The following ITGB8 variants were observed in gnomAD, a reference collection of about 807,000 sequenced individuals.
The protein encoded by ITGB8 is integrin subunit beta 8.
A neutral mutation model predicts 89.5 loss-of-function variants in ITGB8; 30 were observed. The observed-to-expected ratio is 0.34, with a 90% CI of 0.25 to 0.45. The LOEUF (loss-of-function observed/expected upper bound fraction) is 0.45. Among genes scored for constraint, ITGB8 ranks in the 20% least tolerant of loss-of-function variants. ITGB8 has a pLI of 1.00. For missense variants in ITGB8, 836 were observed against 933.3 expected, an observed-to-expected ratio of 0.90 and a Z score of 1.36; for synonymous variants, 335 against 320.4, an observed-to-expected ratio of 1.05 and a Z score of -0.49.
intron 6 of ITGB8, among the ~76,000 whole-genome samples, chr7:20,382,818 A>C (rs893444712): frequency 2.0e-5 from 3 of 152,226 alleles, no homozygotes; most frequent in African/African-American, 4.8e-5. Flanking sequence ...AAATTTTCAA[A>C]TCCTGAAATC....
intron 3 of ITGB8, among the ~76,000 whole-genome samples, chr7:20,377,880 A>G (rs1786217845): frequency 6.6e-6 from 1 of 152,232 alleles, no homozygotes; most frequent in African/African-American, 2.4e-5. Flanking sequence ...TTTGTGAAAT[A>G]ATCGAAAAGA....
rs563192684 is a variant in ITGB8, at chr7:20,402,203, CAT to C, written c.1687+78_1687+79del. On this transcript the variant is annotated intron_variant, in intron 10 of 13. Coordinates refer to ENST00000222573, the MANE Select transcript of ITGB8 (RefSeq NM_002214.3). The stretch of plus-strand genomic sequence containing the variant: ...TAGATGTTAAAGTGTCTTTAAATCA[CAT>C]GTTTATAAATTAGCAAAACTGAATC... 2.6e-5 allele frequency: 33 copies of C among 1,270,334 alleles called. 1 individual carries two copies. Among genetic ancestry groups the C allele is most frequent in the South Asian group, 2.3e-4 (13 of 56,306 alleles). The allele number at this position is 1,270,334 out of a possible 1,614,324, so 78.7% of individuals were successfully genotyped here.
intron 2 of ITGB8, chr7:20,364,626 A>G (rs1457768109): frequency 6.6e-6 from 1 of 152,192 alleles, no homozygotes; most frequent in African/African-American, 2.4e-5. Context: ...TCTGGGCTCC[A>G]CCAGTGAGAA....
chr7:20,363,878 A>G (rs1422534675), intron 2 of ITGB8, among the ~76,000 whole-genome samples, 156 bp downstream of exon 2: 1 of 152,252 alleles, frequency 6.6e-6, no homozygotes, highest in Non-Finnish European at 1.5e-5. Flanking sequence ...TGGAAACAGC[A>G]TATCTGGCTG....
intron 3 of ITGB8, among the ~76,000 whole-genome samples, chr7:20,370,421 A>G (rs1004400636): frequency 1.3e-5 from 2 of 151,422 alleles, no homozygotes; most frequent in South Asian, 4.1e-4. Context: ...TTAAAAAGTT[A>G]TAAATGTTTA....
chr7:20,401,609 C>A, intron 9 of ITGB8, 112 bp from the exon 10 acceptor site: 1 of 602,646 alleles, frequency 1.7e-6, no homozygotes. Context: ...TTACAAATAT[C>A]GTTAATTTCT....
chr7:20,339,348 A>G (rs1313528872), intron 1 of ITGB8, among the ~76,000 whole-genome samples: 1 of 152,326 alleles, frequency 6.6e-6, no homozygotes, highest in East Asian at 1.9e-4. Flanking sequence ...ATGGAGTAAA[A>G]GGACTATTTT....
At chr7:20,341,618 G>A (rs1435176940) in intron 1 of ITGB8, among the ~76,000 whole-genome samples, 1 of 152,252 alleles carries the variant, frequency 6.6e-6, no homozygotes, top group Non-Finnish European at 1.5e-5. Context: ...TCACATGGGA[G>A]AAGGGAAGGG....
chr7:20,342,448 T>C (rs893150606), intron 1 of ITGB8, among the ~76,000 whole-genome samples: 16 of 152,204 alleles, frequency 1.1e-4, no homozygotes, highest in Non-Finnish European at 1.9e-4. Flanking sequence ...CTCACCTTTC[T>C]AGGCCTCTAA....
At chr7:20,402,399 A>G (rs904751440) in intron 10 of ITGB8, among the ~76,000 whole-genome samples, 1 of 152,198 alleles carries the variant, frequency 6.6e-6, no homozygotes, top group African/African-American at 2.4e-5. Context: ...TTGGAAAGAA[A>G]TATACCAGAA....
At chr7:20,335,106 A>T (rs1377168863) in intron 1 of ITGB8, among the ~76,000 whole-genome samples, 1 of 152,156 alleles carries the variant, frequency 6.6e-6, no homozygotes, top group Non-Finnish European at 1.5e-5. Flanking sequence ...TCCCAACTAA[A>T]TATTTTGAAA....
chr7:20,340,362 A>G (rs1163779215), intron 1 of ITGB8, among the ~76,000 whole-genome samples: 1 of 152,232 alleles, frequency 6.6e-6, no homozygotes, highest in African/African-American at 2.4e-5. Flanking sequence ...AAGCCTATGG[A>G]AGAGACCGAG....
Position 20,331,403 on chromosome 7 carries a change from T to C in ITGB8, c.-404T>C. On this transcript the variant is annotated 5_prime_UTR_variant, in exon 1 of 14. It removes the in-frame stop codon of an upstream open reading frame in the 5' UTR. Coordinates refer to ENST00000222573, the MANE Select transcript of ITGB8 (RefSeq NM_002214.3). ...CCCAGCTTCGGGCTTTGTTTGGGTT[T>C]GATTGTGTTTGGCTCTTCGCTAAGC... 2.5e-6 allele frequency: 1 copy of C among 398,958 alleles called. No individual in the cohort carries two copies. The highest frequency in any genetic ancestry group is 4.4e-6 in the Non-Finnish European group (1 of 227,152). The allele number at this position is 398,958 out of a possible 1,614,324, so 24.7% of individuals were successfully genotyped here. A position where few individuals can be genotyped will look rare whatever the true frequency, so the allele number is the denominator to read the frequency against.
intron 6 of ITGB8, among the ~76,000 whole-genome samples, chr7:20,389,289 T>C (rs917405606): frequency 6.6e-6 from 1 of 152,198 alleles, no homozygotes; most frequent in Non-Finnish European, 1.5e-5. Flanking sequence ...CCAGTATCTG[T>C]TGTTTCCTGA....
In ITGB8 at chr7:20,357,494, CTA is replaced by C. The variant is rs552053401; in HGVS notation, c.128-6135_128-6134del. Among the ~76,000 whole-genome samples, 11 of 152,058 alleles carry C rather than the reference CTA, an allele frequency of 7.2e-5. No individual in the cohort carries two copies. In the South Asian group the frequency reaches 2.3e-3, roughly 32 times the overall value. The stretch of plus-strand genomic sequence containing the variant: ...CATGAACATACACGTATATATGTGT[CTA>C]TATATATGTGTGTGTATGTGTATAT... On this transcript the variant is annotated intron_variant, in intron 1 of 13. Coordinates refer to ENST00000222573, the MANE Select transcript of ITGB8 (RefSeq NM_002214.3).
At chr7:20,349,533 G>C (rs1298820816) in intron 1 of ITGB8, among the ~76,000 whole-genome samples, 1 of 151,940 alleles carries the variant, frequency 6.6e-6, no homozygotes, top group Non-Finnish European at 1.5e-5. Flanking sequence ...TTTTGAATTT[G>C]AAAAGATTTT....
chr7:20,330,331 G>T (rs756373277), upstream of ITGB8, among the ~76,000 whole-genome samples: 1 of 152,176 alleles, frequency 6.6e-6, no homozygotes, highest in Non-Finnish European at 1.5e-5. Context: ...GGCAGGGGAG[G>T]TCCCTTGACT....
At chr7:20,338,596 C>A (rs1784650788) in intron 1 of ITGB8, among the ~76,000 whole-genome samples, 1 of 152,046 alleles carries the variant, frequency 6.6e-6, no homozygotes, top group Non-Finnish European at 1.5e-5. Flanking sequence ...CACAGCACTC[C>A]AGGCCTGGGC....
intron 1 of ITGB8, chr7:20,353,409 A>T (rs1785176128): frequency 6.6e-6 from 1 of 152,240 alleles, no homozygotes; most frequent in Admixed American, 6.5e-5. Flanking sequence ...GCATTACAAG[A>T]AAATTCTGCT....
Sources: gnomAD v4.1 joint callset for allele counts (sites outside exome capture counted in the v4.1 genomes callset) on GRCh38, gnomAD v4.1.1 for gene constraint, MANE v1.5 for transcripts, NCBI Gene and HGNC (gene_info 2026-07-23, HGNC 2026-07-21) for gene names.